RAD52: variants seen among roughly 807,000 people sequenced by gnomAD.
RAD52 encodes the protein RAD52 DNA repair protein, also known as DNA repair protein RAD52 homolog.
Under a neutral mutation model 55.5 loss-of-function variants are expected in RAD52, and 47 were observed. The ratio of observed to expected loss-of-function variants is 0.85; its 90% CI spans 0.67 to 1.08. RAD52 has a LOEUF of 1.08. Among genes scored for constraint, RAD52 ranks in the 50% least tolerant of loss-of-function variants. The pLI is 0.00. For synonymous variants in RAD52, 184 were observed against 198.9 expected (o/e 0.92, Z 0.63); for missense variants, 468 against 522.8 (o/e 0.90, Z 1.02).
chr12:985,370 T>C (rs940899093), intron 1 of RAD52, among the ~76,000 whole-genome samples: 3 of 152,018 alleles, frequency 2.0e-5, no homozygotes, highest in Non-Finnish European at 2.9e-5. Flanking sequence ...CTTGAACTCC[T>C]TGGCTCAAGT....
At chr12:991,083 G>A (rs1035551951), upstream of RAD52, 3 of 151,540 alleles carry the variant, frequency 2.0e-5, no homozygotes, top group Admixed American at 6.6e-5. Context: ...GGAGGCCCCC[G>A]GGCCGCCGCG....
intron 5 of RAD52, 89 bp from the exon 6 acceptor site, chr12:927,352 C>T (rs925722126): frequency 1.1e-4 from 110 of 966,892 alleles, no homozygotes; most frequent in Non-Finnish European, 1.7e-4. Flanking sequence ...GGTTCAAAGC[C>T]GGACTCTCCC....
At chr12:965,626 A>G (rs1470032531) in intron 1 of RAD52, among the ~76,000 whole-genome samples, 1 of 151,588 alleles carries the variant, frequency 6.6e-6, no homozygotes, top group Non-Finnish European at 1.5e-5. Flanking sequence ...TGAACAGGTG[A>G]CTATGTTCTG....
In RAD52 at chr12:931,323, T is replaced by G; in HGVS notation, c.85-2A>C. Reference sequence around the variant, plus strand: ...GTACTCTTCTGCTGTGTACTGGCACTGCAACCCCAAAAAAGAAAATTAAAT... The same window carrying G: ...GTACTCTTCTGCTGTGTACTGGCACGGCAACCCCAAAAAAGAAAATTAAAT... On this transcript the variant is annotated splice_acceptor_variant, in intron 2 of 11. Transcript: ENST00000358495. LOFTEE classifies it high-confidence loss of function. 1 of 1,570,354 alleles carries G rather than the reference T, an allele frequency of 6.4e-7. No homozygotes were observed. The highest frequency in any genetic ancestry group is 8.6e-7 in the Non-Finnish European group (1 of 1,160,346).
chr12:952,658 G>C (rs1296262648), upstream of RAD52, among the ~76,000 whole-genome samples: 1 of 151,236 alleles, frequency 6.6e-6, no homozygotes. Flanking sequence ...AGGTCAAGAC[G>C]AGAGGATCGC....
intron 1 of RAD52, among the ~76,000 whole-genome samples, chr12:968,818 G>C (rs1368319339): frequency 6.6e-6 from 1 of 152,016 alleles, no homozygotes; most frequent in Non-Finnish European, 1.5e-5. Flanking sequence ...CAAGGAGCTT[G>C]TCTACTATAT....
intron 2 of RAD52, 143 bp downstream of exon 2, chr12:932,832 A>G (rs1957403369): frequency 3.1e-6 from 2 of 646,908 alleles, no homozygotes; most frequent in African/African-American, 1.8e-5. Context: ...TACTAGGTAA[A>G]CGTACTAGGT....
upstream of RAD52, among the ~76,000 whole-genome samples, chr12:951,901 G>A (rs1958533978): frequency 6.6e-6 from 1 of 151,990 alleles, no homozygotes; most frequent in South Asian, 2.1e-4. Context: ...TGGGGTAAAT[G>A]TATTTTAAAG....
chr12:912,296 G>GCGACCC lies in RAD52; in HGVS notation c.*1089_*1094dup. The GCGACCC allele has an allele frequency of 5.0e-6, 1 of 198,476 alleles. No individual in the cohort carries two copies. The highest frequency in any genetic ancestry group is 1.9e-4 in the South Asian group (1 of 5,214). The allele number at this position is 198,476 out of a possible 1,614,324, so 12.3% of individuals were successfully genotyped here. A position where few individuals can be genotyped will look rare whatever the true frequency, so the allele number is the denominator to read the frequency against. On this transcript the variant is annotated 3_prime_UTR_variant, in exon 12 of 12. Coordinates refer to ENST00000358495, the MANE Select transcript of RAD52 (RefSeq NM_134424.4). Reference sequence around the variant, plus strand: ...CACCAGGCATACAACAGTTTATGCAGCGACCCTAAGAGAAAAAAAAACCCA... The same window carrying GCGACCC: ...CACCAGGCATACAACAGTTTATGCAGCGACCCCGACCCTAAGAGAAAAAAAAACCCA...
intron 2 of RAD52, 50 bp from the exon 3 acceptor site, chr12:931,371 A>C: frequency 7.5e-7 from 1 of 1,341,638 alleles, no homozygotes; most frequent in South Asian, 1.3e-5. Context: ...CATTCCTCAC[A>C]TCATTGAGTC....
chr12:937,923 G>A (rs1344828614), intron 1 of RAD52, among the ~76,000 whole-genome samples: 7 of 152,214 alleles, frequency 4.6e-5, no homozygotes, highest in African/African-American at 1.4e-4. Context: ...GTTGAAATAC[G>A]CTAAATTTCT....
chr12:913,264 T>C lies in RAD52; in HGVS notation c.*127A>G, dbSNP rs368376808. The C allele has an allele frequency of 1.3e-6, 1 of 784,326 alleles. No homozygotes were observed. 48.6% of individuals were successfully genotyped at this position (784,326 alleles called of 1,614,324 possible). ...TCTCAGTCAGATCCTCTTGATAAGGTTCAGAATGAAGCAAGATAAATCGCA... is the reference window on the plus strand; with the variant it reads ...TCTCAGTCAGATCCTCTTGATAAGGCTCAGAATGAAGCAAGATAAATCGCA... On this transcript the variant is annotated 3_prime_UTR_variant, in exon 12 of 12. Transcript: ENST00000358495.
chr12:962,234 A>G (rs534711924), intron 1 of RAD52, among the ~76,000 whole-genome samples: 29 of 152,222 alleles, frequency 1.9e-4, no homozygotes, highest in Non-Finnish European at 3.8e-4. Flanking sequence ...AGTAAGGAAC[A>G]AGATTATCTT....
At chr12:964,000 A>G (rs1271069511) in intron 1 of RAD52, among the ~76,000 whole-genome samples, 2 of 152,104 alleles carry the variant, frequency 1.3e-5, no homozygotes, top group African/African-American at 4.8e-5. Context: ...TGTTCCAGAC[A>G]GAGGGAACAG....
chr12:988,152 T>G (rs1959111151), intron 1 of RAD52, among the ~76,000 whole-genome samples: 1 of 152,192 alleles, frequency 6.6e-6, no homozygotes, highest in East Asian at 1.9e-4. Flanking sequence ...TTTAAAACAT[T>G]TTTAAAGAGA....
At chr12:959,314 G>A (rs1205947698) in intron 1 of RAD52, among the ~76,000 whole-genome samples, 1 of 152,178 alleles carries the variant, frequency 6.6e-6, no homozygotes, top group African/African-American at 2.4e-5. Flanking sequence ...CCTTATTATG[G>A]TTAAATCTAT....
intron 1 of RAD52, among the ~76,000 whole-genome samples, chr12:960,309 G>C: frequency 6.6e-6 from 1 of 152,194 alleles, no homozygotes; most frequent in East Asian, 1.9e-4. Flanking sequence ...ATCTATAGAG[G>C]ATCCAAACTG....
intron 10 of RAD52, 48 bp downstream of exon 10, chr12:914,383 A>G (rs558125200): frequency 5.6e-6 from 9 of 1,606,060 alleles, no homozygotes; most frequent in East Asian, 4.5e-5. Flanking sequence ...TTCTGTGGCT[A>G]CTAGAAACAT....
chr12:985,664 CT>C (rs907508287), intron 1 of RAD52, among the ~76,000 whole-genome samples: 3 of 152,096 alleles, frequency 2.0e-5, no homozygotes, highest in African/African-American at 7.2e-5. Context: ...TCAAGCACCA[CT>C]TTTTTTAAAA....
Sources: gnomAD v4.1 joint callset for allele counts (sites outside exome capture counted in the v4.1 genomes callset) on GRCh38, gnomAD v4.1.1 for gene constraint, MANE v1.5 for transcripts, NCBI Gene and HGNC (gene_info 2026-07-23, HGNC 2026-07-21) for gene names.